HDAC9: variants seen among roughly 807,000 people sequenced by gnomAD.
The protein encoded by HDAC9 is MEF-2 interacting transcription repressor (MITR) protein.
Under a neutral mutation model 139.4 loss-of-function variants are expected in HDAC9, and 41 were observed. The ratio of observed to expected loss-of-function variants is 0.29; its 90% CI spans 0.23 to 0.38. The LOEUF is 0.38. Ranked by LOEUF, HDAC9 falls within the 10% of genes least tolerant of loss-of-function variation. The pLI is 1.00. For synonymous variants in HDAC9, 517 were observed against 476.2 expected (o/e 1.09, Z -1.12); for missense variants, 1,147 against 1,297.0 (o/e 0.88, Z 1.78).
chr7:18,550,481 A>G (rs1816761055), intron 2 of HDAC9, among the ~76,000 whole-genome samples: 1 of 152,228 alleles, frequency 6.6e-6, no homozygotes, highest in East Asian at 1.9e-4. Flanking sequence ...TCTAAAGCTT[A>G]CATTACAAGA....
intron 1 of HDAC9, among the ~76,000 whole-genome samples, chr7:18,363,171 G>C (rs753231242): frequency 2.0e-5 from 3 of 152,036 alleles, no homozygotes; most frequent in Non-Finnish European, 4.4e-5. Flanking sequence ...TAATAAGGTG[G>C]GTTTTCCTAA....
rs540270051 is a variant in HDAC9, at chr7:18,439,809, ATCTC to A, written c.-41-56441_-41-56438del. Among the ~76,000 whole-genome samples, 79 of 151,414 alleles carry A rather than the reference ATCTC, an allele frequency of 5.2e-4. No homozygotes were observed. In the South Asian group the frequency reaches 7.1e-3, roughly 14 times the overall value. On this transcript the variant is annotated intron_variant, in intron 1 of 3. Transcript: ENST00000413509. The stretch of plus-strand genomic sequence containing the variant: ...ACATACACACACAAAACACATTCAA[ATCTC>A]TCTCTCTCTCTGAATGTACATACAC...
chr7:18,147,952 C>T (rs1009984064), intron 1 of HDAC9, among the ~76,000 whole-genome samples: 2 of 152,002 alleles, frequency 1.3e-5, no homozygotes, highest in Non-Finnish European at 2.9e-5. Flanking sequence ...GTGTATTATT[C>T]TAATATATAA....
chr7:18,133,648 G>A (rs1562655493), intron 1 of HDAC9, among the ~76,000 whole-genome samples: 2 of 152,006 alleles, frequency 1.3e-5, no homozygotes, highest in African/African-American at 4.8e-5. Flanking sequence ...TGACTTAATG[G>A]GCTCGAGTTT....
intron 1 of HDAC9, among the ~76,000 whole-genome samples, chr7:18,300,416 T>G (rs1265215711): frequency 1.3e-5 from 2 of 152,132 alleles, no homozygotes; most frequent in Non-Finnish European, 2.9e-5. Context: ...TTTCTTTGAC[T>G]TATCAATACC....
chr7:18,648,671 C>A lies in HDAC9; in HGVS notation c.1455C>A (p.Ile485=). 1 of 1,611,768 alleles carries A rather than the reference C, an allele frequency of 6.2e-7. No homozygotes were observed. The highest frequency in any genetic ancestry group is 8.5e-7 in the Non-Finnish European group (1 of 1,178,752). The part of the protein sequence containing the change: ...LEKQKQYQQQ[I]HMNKLLSKSI... ...AGCAGAAGCAATACCAGCAGCAGAT[C>A]CACATGAACAAAGTAAGCCTCCAAG... Residue 485 remains isoleucine, a synonymous_variant, in exon 11 of 26, where the codon ATC becomes ATA. Coordinates refer to ENST00000686413, the MANE Select transcript of HDAC9 (RefSeq NM_178425.4).
At chr7:18,111,165 G>A (rs936547541) in intron 1 of HDAC9, among the ~76,000 whole-genome samples, 3 of 152,170 alleles carry the variant, frequency 2.0e-5, no homozygotes, top group Non-Finnish European at 4.4e-5. Flanking sequence ...AGAGACAGAC[G>A]TAAATAATTA....
At chr7:18,748,816 G>C (rs1016881666) in intron 13 of HDAC9, among the ~76,000 whole-genome samples, 189 bp from the exon 14 acceptor site, 14 of 152,152 alleles carry the variant, frequency 9.2e-5, no homozygotes, top group African/African-American at 3.4e-4. Context: ...GTGTTTTTGA[G>C]TAAATATCCA....
At chr7:18,349,877 G>T (rs1348729346) in intron 1 of HDAC9, among the ~76,000 whole-genome samples, 3 of 152,022 alleles carry the variant, frequency 2.0e-5, no homozygotes, top group Non-Finnish European at 2.9e-5. Context: ...TATTTCAGTT[G>T]TTCTTTGCTT....
At chr7:18,759,881 C>T (rs899352287) in intron 14 of HDAC9, among the ~76,000 whole-genome samples, 2 of 152,092 alleles carry the variant, frequency 1.3e-5, no homozygotes, top group Admixed American at 6.6e-5. Context: ...ATTTACATGA[C>T]TAGTGTATGA....
intron 22 of HDAC9, chr7:18,907,097 C>G (rs916404299): frequency 1.5e-4 from 23 of 152,298 alleles, no homozygotes; most frequent in African/African-American, 5.1e-4. Context: ...CACAAGGAGG[C>G]ACTATGGAAA....
chr7:18,777,018 AT>A (rs34739935), intron 16 of HDAC9, among the ~76,000 whole-genome samples: 35,048 of 151,354 alleles, frequency 0.23, 4,713 homozygotes, highest in East Asian at 0.61. Context: ...GGCAAGTTGA[AT>A]TTCTAGGCAC....
chr7:18,753,141 G>C (rs751915234), intron 14 of HDAC9, among the ~76,000 whole-genome samples: 4 of 152,082 alleles, frequency 2.6e-5, no homozygotes, highest in Non-Finnish European at 2.9e-5. Flanking sequence ...TCTTCAAGAA[G>C]GTTACTATAT....
At chr7:18,983,736 T>C (rs1033997688) in intron 25 of HDAC9, among the ~76,000 whole-genome samples, 5 of 152,198 alleles carry the variant, frequency 3.3e-5, no homozygotes, top group Admixed American at 3.3e-4. Flanking sequence ...AATTGCATCA[T>C]AGCCTCACCT....
chr7:18,346,925 A>G (rs1435712753), intron 1 of HDAC9, among the ~76,000 whole-genome samples: 1 of 152,136 alleles, frequency 6.6e-6, no homozygotes, highest in Admixed American at 6.6e-5. Flanking sequence ...GTCTAAAATG[A>G]TCTGTTCAGT....
In HDAC9 at chr7:18,889,778, G is replaced by A. The variant is rs946228911; in HGVS notation, c.2803+15182G>A. Reference sequence around the variant, plus strand: ...AGTGGTGCAATTATGGTTCATTGCAGCCTTTAGCTCCTGGGCTCAAGTGAT... The same window carrying A: ...AGTGGTGCAATTATGGTTCATTGCAACCTTTAGCTCCTGGGCTCAAGTGAT... On this transcript the variant is annotated intron_variant, in intron 22 of 25. Transcript: ENST00000686413. 2.6e-5 allele frequency among the ~76,000 whole-genome samples: 4 copies of A among 152,266 alleles called. No homozygotes were observed. In the South Asian group the frequency reaches 8.3e-4, roughly 32 times the overall value.
At chr7:18,364,338 C>G (rs1487460397) in intron 1 of HDAC9, among the ~76,000 whole-genome samples, 1 of 152,012 alleles carries the variant, frequency 6.6e-6, no homozygotes, top group East Asian at 1.9e-4. Context: ...AATATAAGGT[C>G]TGCGGCACCG....
rs367625274 is a variant in HDAC9, at chr7:18,359,854, C to T, written c.-42+69339C>T. 2.6e-4 allele frequency among the ~76,000 whole-genome samples: 40 copies of T among 152,298 alleles called. No individual in the cohort carries two copies. In the East Asian group the frequency reaches 3.3e-3, roughly 12 times the overall value. On this transcript the variant is annotated intron_variant, in intron 1 of 3. Transcript: ENST00000413509. ...GAACTCCTGACCTCAGGTGATCCGC[C>T]CACCTCGGCCTCCCAAAGTGCTGAG...
In HDAC9 at chr7:18,672,223, C is replaced by T. The variant is rs566026068; in HGVS notation, c.1731+5747C>T. Among the ~76,000 whole-genome samples, 5 of 152,078 alleles carry T rather than the reference C, an allele frequency of 3.3e-5. 1 individual carries two copies. Among genetic ancestry groups the T allele is most frequent in the African/African-American group, 1.2e-4 (5 of 41,524 alleles). The stretch of plus-strand genomic sequence containing the variant: ...ACATCTTCTCCATTTGTTATTTCCC[C>T]TGCCTTATTGATGGTAGCCATCCTA... On this transcript the variant is annotated intron_variant, in intron 12 of 25. Transcript: ENST00000686413.
Sources: allele counts gnomAD v4.1 joint callset (sites outside exome capture counted in the v4.1 genomes callset), GRCh38; gene constraint gnomAD v4.1.1; transcripts MANE v1.5; gene names NCBI Gene and HGNC (gene_info 2026-07-23, HGNC 2026-07-21).